Variants in LYZL4 observed in about 807,000 individuals in gnomAD.
LYZL4 encodes the protein lysozyme-like protein 4.
LYZL4 carries 13 observed loss-of-function variants against 17.6 expected under a neutral mutation model. That is an observed-to-expected ratio of 0.74 (90% confidence interval 0.48 to 1.18). The LOEUF (loss-of-function observed/expected upper bound fraction) is 1.18. Among genes scored for constraint, LYZL4 ranks in the 50% most tolerant of loss-of-function variants. The probability of loss-of-function intolerance (pLI) is 0.00; values close to 1 mark genes in which losing one functional copy is unlikely to be tolerated. For synonymous variants in LYZL4, 64 were observed against 67.7 expected (o/e 0.95, Z 0.27); for missense variants, 174 against 188.2 (o/e 0.92, Z 0.44).
the LYZL4 span, among the ~76,000 whole-genome samples, chr3:42,363,815 T>C: frequency 2.0e-5 from 3 of 152,342 alleles, no homozygotes; most frequent in Admixed American, 1.3e-4. Context: ...AGATGAATGG[T>C]TGATGGGACT....
chr3:42,399,499 T>A (rs1239400477), intron 4 of LYZL4, among the ~76,000 whole-genome samples: 4 of 152,198 alleles, frequency 2.6e-5, no homozygotes, highest in Non-Finnish European at 4.4e-5. Flanking sequence ...TAGCAGCTGT[T>A]ACAGCGATGG....
downstream of LYZL4, among the ~76,000 whole-genome samples, chr3:42,393,272 T>C (rs1481032637): frequency 6.6e-6 from 1 of 152,004 alleles, no homozygotes; most frequent in Non-Finnish European, 1.5e-5. Flanking sequence ...GCAATCTTCT[T>C]ACTCCAGTAA....
At chr3:42,367,199 T>C in the LYZL4 span, among the ~76,000 whole-genome samples, 5 of 152,186 alleles carry the variant, frequency 3.3e-5, no homozygotes, top group African/African-American at 4.8e-5. Context: ...AGAAGACAGC[T>C]GCCTGCCCAC....
chr3:42,368,496 A>G, the LYZL4 span, among the ~76,000 whole-genome samples: 1 of 152,184 alleles, frequency 6.6e-6, no homozygotes, highest in Non-Finnish European at 1.5e-5. Flanking sequence ...CATATATGGA[A>G]TTTTATAACC....
At chr3:42,394,111 C>T (rs1449332889), downstream of LYZL4, among the ~76,000 whole-genome samples, 3 of 152,162 alleles carry the variant, frequency 2.0e-5, no homozygotes, top group South Asian at 6.2e-4. Context: ...GTGATTTTTA[C>T]TATGACAGAA....
the LYZL4 span, among the ~76,000 whole-genome samples, chr3:42,383,378 C>T: frequency 6.6e-6 from 1 of 150,888 alleles, no homozygotes; most frequent in East Asian, 2.0e-4. Flanking sequence ...AACTGTCCAG[C>T]CGGATGGCTC....
At chr3:42,400,457 A>C (rs1698634994) in intron 4 of LYZL4, among the ~76,000 whole-genome samples, 1 of 152,212 alleles carries the variant, frequency 6.6e-6, no homozygotes, top group Non-Finnish European at 1.5e-5. Context: ...CATTTTGAAA[A>C]TGAAGATAAG....
the LYZL4 span, among the ~76,000 whole-genome samples, chr3:42,374,010 G>C: frequency 6.6e-6 from 1 of 152,098 alleles, no homozygotes; most frequent in African/African-American, 2.4e-5. Context: ...AAAACACCCA[G>C]GAAAATAACT....
At chr3:42,364,439 T>C in the LYZL4 span, among the ~76,000 whole-genome samples, 280 of 149,610 alleles carry the variant, frequency 1.9e-3, 1 homozygote, top group Non-Finnish European at 1.6e-3. Flanking sequence ...GCCTCCTGGG[T>C]TCAAGTGATT....
At chr3:42,360,901 G>T in the LYZL4 span, among the ~76,000 whole-genome samples, 39,222 of 151,866 alleles carry the variant, frequency 0.26, 5,644 homozygotes, top group Non-Finnish European at 0.33. Context: ...ACGCAATTAG[G>T]TTCCTTTAGC....
chr3:42,383,252 A>G, the LYZL4 span, among the ~76,000 whole-genome samples: 1 of 152,108 alleles, frequency 6.6e-6, no homozygotes, highest in Non-Finnish European at 1.5e-5. Flanking sequence ...GGCTCCAAGA[A>G]TGGGGCAGCC....
chr3:42,381,589 C>T, the LYZL4 span, among the ~76,000 whole-genome samples: 4 of 152,034 alleles, frequency 2.6e-5, no homozygotes, highest in South Asian at 2.1e-4. Flanking sequence ...AATTTACCAC[C>T]GAGGTAATAA....
chr3:42,371,693 A>G, the LYZL4 span, among the ~76,000 whole-genome samples: 8 of 152,206 alleles, frequency 5.3e-5, no homozygotes, highest in African/African-American at 1.4e-4. Flanking sequence ...TGGGACCACA[A>G]TGGCCTATGC....
chr3:42,363,696 A>C, the LYZL4 span, among the ~76,000 whole-genome samples: 1 of 152,362 alleles, frequency 6.6e-6, no homozygotes, highest in East Asian at 1.9e-4. Context: ...ATGTCACAGA[A>C]GAATTGAGGT....
the LYZL4 span, among the ~76,000 whole-genome samples, chr3:42,388,348 A>G: frequency 1.3e-5 from 2 of 152,316 alleles, no homozygotes; most frequent in African/African-American, 4.8e-5. Context: ...GGAAATGACA[A>G]ACAAACAACA....
the LYZL4 span, among the ~76,000 whole-genome samples, chr3:42,374,146 C>T: frequency 2.0e-5 from 3 of 152,116 alleles, 1 homozygote; most frequent in South Asian, 4.1e-4. Context: ...GTTTAAGAAC[C>T]TTCCATCTGC....
At chr3:42,362,842 C>G in the LYZL4 span, among the ~76,000 whole-genome samples, 1 of 152,188 alleles carries the variant, frequency 6.6e-6, no homozygotes, top group African/African-American at 2.4e-5. Context: ...GGAAATGTGC[C>G]TTTATAATGG....
intron 1 of LYZL4, 44 bp from the exon 2 acceptor site, chr3:42,407,387 A>T (rs547246495): frequency 8.6e-7 from 1 of 1,156,964 alleles, no homozygotes; most frequent in South Asian, 1.6e-5. Context: ...CATCAGAAAA[A>T]TGGGAGTCTC....
intron 4 of LYZL4, among the ~76,000 whole-genome samples, chr3:42,397,585 A>G (rs1372015475): frequency 6.6e-6 from 1 of 152,032 alleles, no homozygotes; most frequent in East Asian, 1.9e-4. Context: ...CATAAACCCC[A>G]CATGGTGAGA....
Sources: gnomAD v4.1 joint callset for allele counts (sites outside exome capture counted in the v4.1 genomes callset) on GRCh38, gnomAD v4.1.1 for gene constraint, MANE v1.5 for transcripts, NCBI Gene and HGNC (gene_info 2026-07-23, HGNC 2026-07-21) for gene names.